The following ZC3H18 variants were observed in gnomAD, a reference collection of about 807,000 sequenced individuals.
ZC3H18 encodes the protein zinc finger CCCH-type containing 18.
A neutral mutation model predicts 106.1 loss-of-function variants in ZC3H18; 8 were observed. That is an observed-to-expected ratio of 0.08 (90% confidence interval 0.04 to 0.14). ZC3H18 has a LOEUF of 0.14. ZC3H18 is among the 10% of genes least tolerant of loss of function. ZC3H18 has a pLI of 1.00. For missense variants in ZC3H18, 1,318 were observed against 1,278.4 expected (o/e 1.03, Z -0.47); for synonymous variants, 635 against 522.1 (o/e 1.22, Z -2.95).
intron 3 of ZC3H18, among the ~76,000 whole-genome samples, chr16:88,596,739 G>T (rs78072498): frequency 0.011 from 1,735 of 152,234 alleles, 41 homozygotes; most frequent in African/African-American, 0.04. Context: ...ATGAGCTTTT[G>T]TTACTTGTTT....
chr16:88,601,988 G>C (rs1009397379), intron 6 of ZC3H18, among the ~76,000 whole-genome samples: 3 of 152,230 alleles, frequency 2.0e-5, no homozygotes, highest in Non-Finnish European at 4.4e-5. Flanking sequence ...GGTCCACCAG[G>C]TAGGTTGCTA....
chr16:88,624,844 C>G, intron 12 of ZC3H18, 99 bp downstream of exon 12: 1 of 1,460,042 alleles, frequency 6.8e-7, no homozygotes. Flanking sequence ...GGTCCAGAGC[C>G]AGGTGGTGGG....
Position 88,611,367 on chromosome 16 carries a change from C to A in ZC3H18, c.1306C>A (p.Arg436=), listed in dbSNP as rs1163666279. Residue 436 remains arginine (R), a synonymous_variant, in exon 8 of 18, where the codon CGA becomes AGA. Coordinates refer to ENST00000301011, the MANE Select transcript of ZC3H18 (RefSeq NM_144604.4). ...ERERRQRERE[R]ERERERDKER... ...GGAGCGCCGGCAGAGGGAGCGCGAG[C>A]GAGAGCGGGAGCGCGAGCGCGACAA... is the stretch of plus-strand genomic sequence containing the variant. The A allele has an allele frequency of 1.0e-6, 1 of 984,826 alleles. No homozygotes were observed. The highest frequency in any genetic ancestry group is 2.6e-5 in the East Asian group (1 of 38,308). The allele number at this position is 984,826 out of a possible 1,614,324, so 61.0% of individuals were successfully genotyped here.
At position 88,611,363 on chromosome 16, in the gene ZC3H18, CGAGCGA is replaced by C. The variant is rs754575661; in HGVS notation, c.1308_1313del (p.Glu441_Arg442del). 1.1e-5 allele frequency: 10 copies of C among 943,288 alleles called. No homozygotes were observed. Among genetic ancestry groups the C allele is most frequent in the African/African-American group, 6.6e-5 (4 of 60,862 alleles). 58.4% of individuals were successfully genotyped at this position (943,288 alleles called of 1,614,324 possible). A position where few individuals can be genotyped will look rare whatever the true frequency, so the allele number is the denominator to read the frequency against. On this transcript the variant is annotated inframe_deletion, in exon 8 of 18. Coordinates refer to ENST00000301011, the MANE Select transcript of ZC3H18 (RefSeq NM_144604.4). ...AGCGGGAGCGCCGGCAGAGGGAGCG[CGAGCGA>C]GAGCGGGAGCGCGAGCGCGACAAGG...
intron 11 of ZC3H18, chr16:88,624,395 G>T (rs891520149): frequency 2.0e-5 from 16 of 795,190 alleles, no homozygotes; most frequent in Non-Finnish European, 3.2e-5. Flanking sequence ...TTAGAGGGGA[G>T]CCTGGAAGGG....
intron 8 of ZC3H18, among the ~76,000 whole-genome samples, chr16:88,612,817 A>G (rs1194955824): frequency 6.6e-6 from 1 of 152,080 alleles, no homozygotes; most frequent in Non-Finnish European, 1.5e-5. Context: ...CCTGGGCAAC[A>G]TGGCAAAATC....
At chr16:88,629,346 T>C (rs1314169945) in intron 16 of ZC3H18, among the ~76,000 whole-genome samples, 1 of 152,108 alleles carries the variant, frequency 6.6e-6, no homozygotes, top group Non-Finnish European at 1.5e-5. Flanking sequence ...CGTAGTGGCG[T>C]GCGTCTGTAA....
chr16:88,590,842 G>A (rs954658083), intron 3 of ZC3H18, among the ~76,000 whole-genome samples: 6 of 151,962 alleles, frequency 3.9e-5, no homozygotes, highest in Non-Finnish European at 8.8e-5. Context: ...TTACAGGTGT[G>A]AGCCACCACA....
At chr16:88,591,394 G>T (rs1915744269) in intron 3 of ZC3H18, among the ~76,000 whole-genome samples, 1 of 152,138 alleles carries the variant, frequency 6.6e-6, no homozygotes, top group African/African-American at 2.4e-5. Context: ...TCAACATGGT[G>T]AAACCCTGTC....
chr16:88,611,618 C>T, intron 8 of ZC3H18, 82 bp downstream of exon 8: 1 of 1,491,024 alleles, frequency 6.7e-7, no homozygotes, highest in East Asian at 2.5e-5. Flanking sequence ...GCCTGCGCTT[C>T]CCCTCTGTGG....
At chr16:88,606,345 C>T (rs536794475) in intron 6 of ZC3H18, among the ~76,000 whole-genome samples, 2 of 152,364 alleles carry the variant, frequency 1.3e-5, no homozygotes, top group South Asian at 2.1e-4. Flanking sequence ...ACGCATGCTG[C>T]GGAGCAGATG....
intron 2 of ZC3H18, among the ~76,000 whole-genome samples, chr16:88,585,168 A>T (rs1055912070): frequency 1.3e-5 from 2 of 152,230 alleles, no homozygotes; most frequent in African/African-American, 4.8e-5. Flanking sequence ...GTTATGTTTG[A>T]TCATTTCTTT....
intron 2 of ZC3H18, among the ~76,000 whole-genome samples, chr16:88,578,224 G>A (rs557670478): frequency 2.0e-5 from 3 of 152,202 alleles, no homozygotes; most frequent in Admixed American, 6.5e-5. Context: ...TCTGGAGAGG[G>A]CACCAGCTGG....
chr16:88,628,615 C>T (rs1013143785), intron 15 of ZC3H18, 143 bp from the exon 16 acceptor site: 1 of 842,318 alleles, frequency 1.2e-6, no homozygotes, highest in African/African-American at 1.7e-5. Flanking sequence ...AGGCCTCACT[C>T]AGGGCTACGG....
intron 17 of ZC3H18, 26 bp from the exon 18 acceptor site, chr16:88,631,075 T>G: frequency 6.2e-7 from 1 of 1,610,238 alleles, no homozygotes. Flanking sequence ...TTCTGGGGGC[T>G]CAAGGTCTTC....
intron 17 of ZC3H18, 122 bp downstream of exon 17, chr16:88,630,703 T>C (rs1906610019): frequency 2.8e-6 from 2 of 714,312 alleles, no homozygotes; most frequent in African/African-American, 1.8e-5. Context: ...CTACAGCTCC[T>C]GCTGGTCTGA....
intron 3 of ZC3H18, among the ~76,000 whole-genome samples, chr16:88,595,832 A>G (rs1327780258): frequency 1.3e-5 from 2 of 152,136 alleles, no homozygotes; most frequent in Non-Finnish European, 2.9e-5. Context: ...AAAAAAGGAA[A>G]GAAAGTAATA....
rs763334263 is a variant in ZC3H18, at chr16:88,628,100, A to G, written c.2450A>G (p.Lys817Arg). Residue 817 changes from lysine (K) to arginine (R), a missense_variant, in exon 15 of 18, where the codon AAG (lysine) becomes AGG (arginine). Lys to Arg is a conservative substitution (Grantham distance 26). Around this residue, in one of 6 missense-constraint regions of ZC3H18, gnomAD observed 848 missense variants for 821.7 expected, o/e 1.03. Transcript: ENST00000301011. ...QGTFVAHKEI[K>R]LTLLNKAADK... ...ACATTTGTGGCCCACAAGGAGATCA[A>G]GTTGACACTGTTGAATAAGGTGAGG... The G allele has an allele frequency of 5.0e-6, 8 of 1,613,900 alleles. No homozygotes were observed. Among genetic ancestry groups the G allele is most frequent in the Middle Eastern group, 1.6e-4 (1 of 6,062 alleles).
chr16:88,574,756 C>T (rs920944630), intron 1 of ZC3H18, among the ~76,000 whole-genome samples: 3 of 148,704 alleles, frequency 2.0e-5, no homozygotes, highest in Non-Finnish European at 3.0e-5. Context: ...TCAAGTGATC[C>T]GCCCACCTCA....
Sources: allele counts gnomAD v4.1 joint callset (sites outside exome capture counted in the v4.1 genomes callset), GRCh38; gene constraint gnomAD v4.1.1; regional missense constraint gnomAD v4.1.1; transcripts MANE v1.5; gene names NCBI Gene and HGNC (gene_info 2026-07-23, HGNC 2026-07-21).